Variants in SLC71A1 observed in about 807,000 individuals in gnomAD.
SLC71A1 encodes solute carrier family 71 member 1.
chr1:100,050,733 C>T, the SLC71A1 span, among the ~76,000 whole-genome samples: 1 of 152,058 alleles, frequency 6.6e-6, no homozygotes, highest in Non-Finnish European at 1.5e-5. Flanking sequence ...AGCCTAAGAA[C>T]ATTTACAGTA....
chr1:100,052,117 G>A, the SLC71A1 span, among the ~76,000 whole-genome samples: 1 of 152,164 alleles, frequency 6.6e-6, no homozygotes, highest in South Asian at 2.1e-4. Flanking sequence ...AGTTGAGGTT[G>A]TCAGGCAGCC....
chr1:100,068,642 A>G, the SLC71A1 span: 1 of 982,548 alleles, frequency 1.0e-6, no homozygotes, highest in Non-Finnish European at 1.6e-6. Flanking sequence ...TGCTTTAATA[A>G]AAATATTTAA....
At chr1:100,073,821 GC>G in the SLC71A1 span, among the ~76,000 whole-genome samples, 1 of 152,088 alleles carries the variant, frequency 6.6e-6, no homozygotes, top group Admixed American at 6.5e-5. Context: ...ATGCCATCTT[GC>G]TTAAGTCATT....
At chr1:100,078,220 A>G in the SLC71A1 span, among the ~76,000 whole-genome samples, 1 of 152,246 alleles carries the variant, frequency 6.6e-6, no homozygotes, top group Non-Finnish European at 1.5e-5. Context: ...AGTTTGGAAC[A>G]TGATATCCCT....
the SLC71A1 span, among the ~76,000 whole-genome samples, chr1:100,061,469 T>A: frequency 1.3e-5 from 2 of 152,196 alleles, no homozygotes; most frequent in African/African-American, 4.8e-5. Context: ...GATTTTGTTT[T>A]TTATCTAGTG....
the SLC71A1 span, among the ~76,000 whole-genome samples, chr1:100,072,390 A>G: frequency 6.6e-6 from 1 of 152,156 alleles, no homozygotes; most frequent in African/African-American, 2.4e-5. Context: ...ATGTGCGCAT[A>G]TCTCCATCAT....
chr1:100,082,251 T>TA, the SLC71A1 span: 1 of 1,469,116 alleles, frequency 6.8e-7, no homozygotes, highest in Non-Finnish European at 9.5e-7. Context: ...ACCCAGGTCT[T>TA]AGTTTTCACC....
chr1:100,073,576 G>T, the SLC71A1 span, among the ~76,000 whole-genome samples: 1 of 152,130 alleles, frequency 6.6e-6, no homozygotes, highest in African/African-American at 2.4e-5. Context: ...CCATCACACT[G>T]CCCTGTTTTA....
chr1:100,078,630 A>G, the SLC71A1 span: 12 of 973,576 alleles, frequency 1.2e-5, no homozygotes, highest in South Asian at 2.9e-5. Flanking sequence ...GTACTGAAAC[A>G]TAAGTATATC....
chr1:100,080,944 A>T, the SLC71A1 span, among the ~76,000 whole-genome samples: 7 of 152,236 alleles, frequency 4.6e-5, no homozygotes, highest in Non-Finnish European at 5.9e-5. Context: ...AAACTTTTCT[A>T]ATATCACAGT....
the SLC71A1 span, among the ~76,000 whole-genome samples, chr1:100,072,033 CT>C: frequency 6.6e-6 from 1 of 152,188 alleles, no homozygotes; most frequent in African/African-American, 2.4e-5. Flanking sequence ...GAACAAGGTC[CT>C]TAAGTGACCA....
the SLC71A1 span, chr1:100,081,877 T>G: frequency 1.4e-6 from 1 of 707,770 alleles, no homozygotes; most frequent in Non-Finnish European, 2.4e-6. Flanking sequence ...CCTTTTATAA[T>G]TATGGCTTTA....
the SLC71A1 span, among the ~76,000 whole-genome samples, chr1:100,054,761 C>G: frequency 6.6e-6 from 1 of 152,168 alleles, no homozygotes; most frequent in Non-Finnish European, 1.5e-5. Flanking sequence ...AAAAGTGTTA[C>G]ATTTTCTCTG....
At chr1:100,059,533 ATATGTTT>A in the SLC71A1 span, among the ~76,000 whole-genome samples, 2 of 151,046 alleles carry the variant, frequency 1.3e-5, no homozygotes, top group African/African-American at 4.8e-5. Flanking sequence ...ATATATAAAT[ATATGTTT>A]TATGTTTTAT....
the SLC71A1 span, among the ~76,000 whole-genome samples, chr1:100,052,534 T>A: frequency 7.1e-6 from 1 of 141,166 alleles, no homozygotes; most frequent in Non-Finnish European, 1.5e-5. Context: ...CAGGTTCAAG[T>A]GATTTTCCTG....
the SLC71A1 span, among the ~76,000 whole-genome samples, chr1:100,067,734 T>G: frequency 6.6e-6 from 1 of 152,014 alleles, no homozygotes; most frequent in African/African-American, 2.4e-5. Flanking sequence ...CTCTTGAGCC[T>G]GAGAGGTCAA....
At chr1:100,074,536 G>A in the SLC71A1 span, among the ~76,000 whole-genome samples, 11 of 151,820 alleles carry the variant, frequency 7.2e-5, no homozygotes, top group Non-Finnish European at 1.2e-4. Flanking sequence ...CCAGCATTGC[G>A]CCACAGCACT....
At chr1:100,071,340 G>A in the SLC71A1 span, among the ~76,000 whole-genome samples, 2 of 148,598 alleles carry the variant, frequency 1.3e-5, no homozygotes, top group South Asian at 2.2e-4. Context: ...GTGTGGTGGT[G>A]TGTGCCTGTA....
At chr1:100,066,208 G>C in the SLC71A1 span, among the ~76,000 whole-genome samples, 3 of 152,124 alleles carry the variant, frequency 2.0e-5, no homozygotes, top group African/African-American at 7.2e-5. Context: ...AGATTACCAA[G>C]CTCAGTTTTG....
Sources: gnomAD v4.1 joint callset for allele counts (sites outside exome capture counted in the v4.1 genomes callset) on GRCh38, gnomAD v4.1.1 for gene constraint, MANE v1.5 for transcripts, NCBI Gene and HGNC (gene_info 2026-07-23, HGNC 2026-07-21) for gene names.